The following ZNF226 variants were observed in gnomAD, a reference collection of about 807,000 sequenced individuals.
The protein encoded by ZNF226 is Kruppel-associated box protein.
A neutral mutation model predicts 11.4 loss-of-function variants in ZNF226; 6 were observed. That is an observed-to-expected ratio of 0.53 (90% CI 0.29 to 1.04). The LOEUF (loss-of-function observed/expected upper bound fraction) is 1.04. ZNF226 is among the 50% of genes least tolerant of loss of function. ZNF226 has a pLI of 0.08. For synonymous variants in ZNF226, 350 were observed against 322.8 expected (o/e 1.08, Z -0.90); for missense variants, 1,058 against 956.5 (o/e 1.11, Z -1.40).
In ZNF226 at chr19:44,172,954, TAA is replaced by T. The variant is rs1568567682; in HGVS notation, c.235+6_235+7del. ...CAACCCGAAGACAGGGAAATTTAGG[TAA>T]AAACCAAACAGTTATGAGTTCTTAT... On this transcript the variant is annotated splice_donor_region_variant and intron_variant, in intron 5 of 5. Coordinates refer to ENST00000337433, the MANE Select transcript of ZNF226 (RefSeq NM_001032373.2). 4.4e-6 allele frequency: 7 copies of T among 1,590,500 alleles called. No homozygotes were observed. The highest frequency in any genetic ancestry group is 6.0e-6 in the Non-Finnish European group (7 of 1,167,812).
In ZNF226 at chr19:44,172,210, A is replaced by G. The variant is rs768935367; in HGVS notation, c.138A>G (p.Ser46=). The G allele has an allele frequency of 1.2e-5, 20 of 1,610,838 alleles. No homozygotes were observed. The Middle Eastern group carries it at 5.0e-4, about 40-fold the overall frequency. Residue 46 remains serine, a synonymous_variant, in exon 4 of 6, where the codon TCA becomes TCG. Transcript: ENST00000337433. ...TGGAGAACTTTAGGAACCTGCTGTC[A>G]GTGGGTGAGGACAGCCTCCCTCTGG... ...VMVENFRNLL[S]VGHPPFKQDV... is the part of the protein sequence containing the mutation.
At chr19:44,194,914 A>G in the ZNF226 span, among the ~76,000 whole-genome samples, 173 of 152,342 alleles carry the variant, frequency 1.1e-3, 1 homozygote, top group African/African-American at 3.1e-3. Flanking sequence ...AAGCAGGGAA[A>G]ACAAAAGAGC....
chr19:44,179,305 C>A (rs182422389), downstream of ZNF226, among the ~76,000 whole-genome samples: 167 of 152,208 alleles, frequency 1.1e-3, no homozygotes, highest in African/African-American at 3.8e-3. Context: ...CATTTAACTT[C>A]TATATTTTAA....
chr19:44,169,907 C>A (rs528675843), intron 2 of ZNF226, 128 bp from the exon 3 acceptor site: 1 of 519,282 alleles, frequency 1.9e-6, no homozygotes, highest in East Asian at 3.0e-5. Context: ...ATGTCATAAT[C>A]TGCTTAAAAG....
rs201600907 is a variant in ZNF226, at chr19:44,177,654, GA to G, written c.2400del (p.Lys800AsnfsTer3). On this transcript the variant is annotated frameshift_variant, in exon 6 of 6. Coordinates refer to ENST00000337433, the MANE Select transcript of ZNF226 (RefSeq NM_001032373.2). LOFTEE classifies it high-confidence loss of function. ...GGKNIRESTQ[E>X]KKSIK is the part of the protein sequence containing the mutation. Reference sequence around the variant, plus strand: ...TAAGAACATCAGAGAATCCACACAGGAAAAAAAATCTATAAAATGATTCTTT... The same window carrying G: ...TAAGAACATCAGAGAATCCACACAGGAAAAAAATCTATAAAATGATTCTTT... The G allele has an allele frequency of 1.6e-5, 25 of 1,580,540 alleles. No homozygotes were observed. The highest frequency in any genetic ancestry group is 5.7e-5 in the Admixed American group (3 of 52,580).
At chr19:44,180,581 G>T (rs906323596), downstream of ZNF226, among the ~76,000 whole-genome samples, 16 of 152,176 alleles carry the variant, frequency 1.1e-4, no homozygotes, top group Non-Finnish European at 2.1e-4. Flanking sequence ...GCCCAATCCA[G>T]CCCACTTCCT....
chr19:44,187,240 G>C, the ZNF226 span, among the ~76,000 whole-genome samples: 1 of 151,902 alleles, frequency 6.6e-6, no homozygotes, highest in African/African-American at 2.4e-5. This position sits in a 1 kb window ranked among gnomAD's most constrained non-coding sequence, Gnocchi z 4.0. Flanking sequence ...GAATCCATCA[G>C]GTCCTAGAGT....
At chr19:44,174,722 A>T (rs1318893717) in intron 5 of ZNF226, 1 of 301,834 alleles carries the variant, frequency 3.3e-6, no homozygotes, top group Non-Finnish European at 6.1e-6. Context: ...ATTCTTGTTA[A>T]AGACAAACAT....
chr19:44,189,863 G>T, the ZNF226 span, among the ~76,000 whole-genome samples: 2 of 152,180 alleles, frequency 1.3e-5, no homozygotes, highest in South Asian at 4.1e-4. Flanking sequence ...GGGTGGTTTG[G>T]TGAACTTTCT....
At chr19:44,180,502 T>A (rs534444963), downstream of ZNF226, among the ~76,000 whole-genome samples, 1 of 152,162 alleles carries the variant, frequency 6.6e-6, no homozygotes, top group Non-Finnish European at 1.5e-5. Flanking sequence ...CTCTTAGATA[T>A]CAGGATAGCC....
Position 44,177,544 on chromosome 19 carries a change from G to T in ZNF226, c.2282G>T (p.Gly761Val). ...GEKPYKCEIC[G>V]KSFSWRSNLT... ...AAACCTTATAAATGTGAGATATGTGGTAAGAGCTTCAGTTGGCGATCAAAT... is the reference window on the plus strand; with the variant it reads ...AAACCTTATAAATGTGAGATATGTGTTAAGAGCTTCAGTTGGCGATCAAAT... The change falls in exon 6 of 6, where the codon GGT becomes GTT. Residue 761 changes from glycine (G) to valine (V), a missense_variant. By Grantham distance (109) the Gly-to-Val change is moderately radical (BLOSUM62 -3). Coordinates refer to ENST00000337433, the MANE Select transcript of ZNF226 (RefSeq NM_001032373.2). 6.2e-7 allele frequency: 1 copy of T among 1,614,092 alleles called. No individual in the cohort carries two copies. The highest frequency in any genetic ancestry group is 1.7e-5 in the Admixed American group (1 of 60,022).
At chr19:44,190,462 T>C in the ZNF226 span, among the ~76,000 whole-genome samples, 2 of 151,918 alleles carry the variant, frequency 1.3e-5, no homozygotes, top group Non-Finnish European at 2.9e-5. Context: ...GCCTCCCGAG[T>C]AGCTGGGACT....
chr19:44,174,743 A>G (rs959304665), intron 5 of ZNF226: 16 of 342,630 alleles, frequency 4.7e-5, no homozygotes, highest in Admixed American at 9.5e-5. Context: ...ATCTACATCC[A>G]GAAACTTTCT....
rs867974019 is a variant in ZNF226 at position 44,176,289 on chromosome 19, G to A, written c.1027G>A (p.Gly343Ser). 1 of 1,614,144 alleles carries A rather than the reference G, an allele frequency of 6.2e-7. No homozygotes were observed. The highest frequency in any genetic ancestry group is 1.7e-5 in the Admixed American group (1 of 60,028). The change falls in exon 6 of 6, where the codon GGT (glycine) becomes AGT (serine). Residue 343 changes from glycine to serine, a missense_variant. Gly to Ser is a moderately conservative substitution (Grantham distance 56, BLOSUM62 0). Coordinates refer to ENST00000337433, the MANE Select transcript of ZNF226 (RefSeq NM_001032373.2). ...ATACAAATGTAAGCAATGTGGGAAA[G>A]GTTTCAGTCGTAGATCAGCACTTAA... ...KPYKCKQCGK[G>S]FSRRSALNVH...
downstream of ZNF226, among the ~76,000 whole-genome samples, chr19:44,180,869 C>T (rs1273203129): frequency 1.3e-5 from 2 of 152,180 alleles, no homozygotes; most frequent in African/African-American, 4.8e-5. Flanking sequence ...ATCTGCCCTT[C>T]TGGTTAACCC....
the ZNF226 span, among the ~76,000 whole-genome samples, chr19:44,195,836 G>A: frequency 2.0e-5 from 3 of 152,168 alleles, no homozygotes; most frequent in Non-Finnish European, 2.9e-5. Context: ...CCATACATTT[G>A]ACTTCATGAG....
Position 44,177,426 on chromosome 19 carries a change from A to G in ZNF226, c.2164A>G (p.Thr722Ala), listed in dbSNP as rs2042885893. The G allele has an allele frequency of 6.2e-7, 1 of 1,614,082 alleles. No homozygotes were observed. Among genetic ancestry groups the G allele is most frequent in the Non-Finnish European group, 8.5e-7 (1 of 1,180,028 alleles). The change falls in exon 6 of 6, where the codon ACA (threonine) becomes GCA (alanine). Residue 722 changes from threonine to alanine, a missense_variant. Physicochemically the swap from Thr to Ala is moderately conservative, Grantham distance 58. Coordinates refer to ENST00000337433, the MANE Select transcript of ZNF226 (RefSeq NM_001032373.2). The stretch of plus-strand genomic sequence containing the variant: ...TCTTCAACTTCATCAGAGTGTCCAC[A>G]CAGGAGAGAAACCATACAAATGTGA... ...SSLQLHQSVHTGEKPYKCDVC... is the reference protein window; with the variant it reads ...SSLQLHQSVHAGEKPYKCDVC...
chr19:44,189,239 C>A, the ZNF226 span, among the ~76,000 whole-genome samples: 1 of 152,082 alleles, frequency 6.6e-6, no homozygotes, highest in African/African-American at 2.4e-5. Flanking sequence ...AAGAAAGATA[C>A]GAAGTAAAAT....
chr19:44,176,243 A>G lies in ZNF226; in HGVS notation c.981A>G (p.Lys327=), dbSNP rs1481010121. The change falls in exon 6 of 6, where the codon AAA becomes AAG. Residue 327 remains lysine, a synonymous_variant. Coordinates refer to ENST00000337433, the MANE Select transcript of ZNF226 (RefSeq NM_001032373.2). ...GCGCTCATCTACAGACCCATCAGAA[A>G]GTCCACGTGATAGAGAAACCATACA... is the stretch of plus-strand genomic sequence containing the variant. ...SQGAHLQTHQ[K]VHVIEKPYKC... 6.2e-7 allele frequency: 1 copy of G among 1,614,202 alleles called. No individual in the cohort carries two copies. The highest frequency in any genetic ancestry group is 1.3e-5 in the African/African-American group (1 of 75,042).
Sources: allele counts gnomAD v4.1 joint callset (sites outside exome capture counted in the v4.1 genomes callset), GRCh38; gene constraint gnomAD v4.1.1; non-coding constraint Gnocchi (gnomAD v3.1); transcripts MANE v1.5; gene names NCBI Gene and HGNC (gene_info 2026-07-23, HGNC 2026-07-21).